The following HPSE2 variants were observed in gnomAD, a reference collection of about 807,000 sequenced individuals.
The protein encoded by HPSE2 is heparanase 2 (inactive).
In HPSE2, 38 loss-of-function variants were observed where a neutral mutation model predicts 60.5. The ratio of observed to expected loss-of-function variants is 0.63; its 90% confidence interval spans 0.48 to 0.82. The LOEUF is 0.82. HPSE2 is among the 40% of genes least tolerant of loss of function. The pLI is 0.00. For missense variants in HPSE2, 713 were observed against 740.4 expected (o/e 0.96, Z 0.43); for synonymous variants, 295 against 293.2 (o/e 1.01, Z -0.06).
chr10:98,511,894 A>G (rs1020264921), intron 9 of HPSE2, among the ~76,000 whole-genome samples: 1 of 152,168 alleles, frequency 6.6e-6, no homozygotes, highest in Non-Finnish European at 1.5e-5. Context: ...AATGCTCCGA[A>G]GTGTGATGGC....
intron 2 of HPSE2, among the ~76,000 whole-genome samples, chr10:99,173,011 T>G (rs1457134652): frequency 2.0e-5 from 3 of 150,760 alleles, no homozygotes; most frequent in Non-Finnish European, 4.4e-5. Context: ...TTACACATTT[T>G]CATGCCTTCT....
intron 3 of HPSE2, among the ~76,000 whole-genome samples, chr10:99,022,745 C>G (rs539073668): frequency 2.0e-5 from 3 of 152,246 alleles, no homozygotes; most frequent in African/African-American, 7.2e-5. Flanking sequence ...CATTCTGGGC[C>G]AGTAGAGATT....
chr10:98,629,394 G>GCT (rs1185781426), intron 7 of HPSE2, among the ~76,000 whole-genome samples: 1 of 152,208 alleles, frequency 6.6e-6, no homozygotes, highest in Admixed American at 6.5e-5. Context: ...TACACACAGA[G>GCT]CTCTTCTTAG....
the HPSE2 span, among the ~76,000 whole-genome samples, chr10:99,280,091 C>A: frequency 1.3e-5 from 2 of 152,168 alleles, no homozygotes; most frequent in Admixed American, 1.3e-4. Flanking sequence ...GTTGTATGAC[C>A]TTGGACAAGT....
intron 8 of HPSE2, among the ~76,000 whole-genome samples, chr10:98,617,522 A>G (rs1945946806): frequency 6.6e-6 from 1 of 152,212 alleles, no homozygotes; most frequent in African/African-American, 2.4e-5. Flanking sequence ...CCCTATATGC[A>G]TATGCAAGAT....
the HPSE2 span, among the ~76,000 whole-genome samples, chr10:99,243,579 G>T: frequency 6.6e-6 from 1 of 152,088 alleles, no homozygotes; most frequent in Non-Finnish European, 1.5e-5. Flanking sequence ...TTCTTACACA[G>T]TTATTACATA....
intron 3 of HPSE2, among the ~76,000 whole-genome samples, chr10:98,986,019 T>G (rs1956337493): frequency 6.6e-6 from 1 of 152,120 alleles, no homozygotes; most frequent in Non-Finnish European, 1.5e-5. Context: ...ACAAACAGAC[T>G]TAGACTCCCA....
At chr10:99,225,523 T>C (rs1296474253) in intron 2 of HPSE2, among the ~76,000 whole-genome samples, 1 of 152,134 alleles carries the variant, frequency 6.6e-6, no homozygotes, top group Non-Finnish European at 1.5e-5. Flanking sequence ...TTTTACTTTA[T>C]AAAACTTGCA....
intron 3 of HPSE2, among the ~76,000 whole-genome samples, chr10:98,983,420 T>C (rs1350995406): frequency 6.6e-6 from 1 of 152,204 alleles, no homozygotes; most frequent in Non-Finnish European, 1.5e-5. Context: ...ATGTTGGAAA[T>C]GGAAGCAGGC....
intron 3 of HPSE2, among the ~76,000 whole-genome samples, chr10:98,944,738 C>T (rs1955128696): frequency 6.6e-6 from 1 of 152,124 alleles, no homozygotes; most frequent in Non-Finnish European, 1.5e-5. Context: ...TGCCTATTAG[C>T]TTAAGTAACA....
chr10:99,285,519 A>G, the HPSE2 span, among the ~76,000 whole-genome samples: 93,994 of 108,894 alleles, frequency 0.86, 40,140 homozygotes, highest in African/African-American at 0.92. Context: ...GGGAAGGAGT[A>G]GGGTGGAGGG....
chr10:98,741,996 T>C (rs1949509064), intron 4 of HPSE2, among the ~76,000 whole-genome samples: 1 of 152,122 alleles, frequency 6.6e-6, no homozygotes, highest in Non-Finnish European at 1.5e-5. Flanking sequence ...TCAAAAAATA[T>C]AAATAGAAGA....
At chr10:98,827,799 G>A (rs1410990750) in intron 3 of HPSE2, among the ~76,000 whole-genome samples, 2 of 152,196 alleles carry the variant, frequency 1.3e-5, no homozygotes, top group East Asian at 3.8e-4. Context: ...ATTACCATGT[G>A]ATAGCTAATT....
intron 3 of HPSE2, among the ~76,000 whole-genome samples, chr10:99,001,872 ATTT>A (rs906914258): frequency 2.0e-5 from 3 of 150,798 alleles, no homozygotes; most frequent in Admixed American, 2.0e-4. Flanking sequence ...GAGTCAGCAA[ATTT>A]TTTTTTTCTG....
At chr10:98,874,688 C>T (rs1034794115) in intron 3 of HPSE2, among the ~76,000 whole-genome samples, 3 of 151,890 alleles carry the variant, frequency 2.0e-5, no homozygotes, top group South Asian at 2.1e-4. Context: ...TGTCTTGTGC[C>T]GGTTTTCAAA....
At chr10:99,114,728 C>A (rs890771288) in intron 3 of HPSE2, among the ~76,000 whole-genome samples, 1 of 151,780 alleles carries the variant, frequency 6.6e-6, no homozygotes, top group African/African-American at 2.4e-5. Flanking sequence ...TCCTGGCTAA[C>A]ATGGTGAAAT....
chr10:98,679,408 A>T (rs1947728434), intron 6 of HPSE2, among the ~76,000 whole-genome samples: 1 of 152,164 alleles, frequency 6.6e-6, no homozygotes, highest in Non-Finnish European at 1.5e-5. Context: ...AGTCCATATG[A>T]CATGTGACAA....
intron 3 of HPSE2, among the ~76,000 whole-genome samples, chr10:98,854,630 C>G (rs551552263): frequency 1.1e-4 from 16 of 152,216 alleles, no homozygotes; most frequent in Non-Finnish European, 1.5e-5. Flanking sequence ...ATAGATAAAA[C>G]TGCTGCCCTC....
chr10:99,048,324 T>C, intron 3 of HPSE2: 1 of 408,964 alleles, frequency 2.4e-6, no homozygotes, highest in Non-Finnish European at 4.5e-6. Context: ...CATTTTATTT[T>C]TCTAAGCTGG....
Sources: allele counts gnomAD v4.1 joint callset (sites outside exome capture counted in the v4.1 genomes callset), GRCh38; gene constraint gnomAD v4.1.1; transcripts MANE v1.5; gene names NCBI Gene and HGNC (gene_info 2026-07-23, HGNC 2026-07-21).